The following CPNE2 variants were observed in gnomAD, a reference collection of about 807,000 sequenced individuals.
The protein encoded by CPNE2 is copine-2.
CPNE2 carries 42 observed loss-of-function variants against 69.7 expected under a neutral mutation model. That is an observed-to-expected ratio of 0.60 (90% confidence interval 0.47 to 0.78). CPNE2 has a LOEUF of 0.78. Among genes scored for constraint, CPNE2 ranks in the 30% least tolerant of loss-of-function variants. The pLI, the probability that CPNE2 is intolerant of heterozygous loss-of-function variation, is 0.00. For synonymous variants in CPNE2, 294 were observed against 289.8 expected, an observed-to-expected ratio of 1.01 and a Z score of -0.15; for missense variants, 587 against 732.0, an observed-to-expected ratio of 0.80 and a Z score of 2.29.
At chr16:57,137,410 C>T (rs1346390980) in intron 14 of CPNE2, 128 bp downstream of exon 14, 15 of 1,245,982 alleles carry the variant, frequency 1.2e-5, no homozygotes, top group Non-Finnish European at 1.6e-5. Context: ...TTTACCTTCA[C>T]GTATTGTAAA....
Position 57,119,584 on chromosome 16 carries a change from T to A in CPNE2, c.615T>A (p.Pro205=), listed in dbSNP as rs369694975. 11 of 1,612,880 alleles carry A rather than the reference T, an allele frequency of 6.8e-6. No homozygotes were observed. Among genetic ancestry groups the A allele is most frequent in the Non-Finnish European group, 9.3e-6 (11 of 1,179,552 alleles). ...AGGTGATCAAGTACACACTGGACCC[T>A]GTGTGGAAGCCATTCACAGTGCCCT... ...RTEVIKYTLD[P]VWKPFTVPLV... is the part of the protein sequence containing the mutation. Residue 205 remains proline, a synonymous_variant, in exon 7 of 16, where the codon CCT becomes CCA. Transcript: ENST00000290776.
chr16:57,105,210 A>T (rs1204771909), intron 1 of CPNE2, among the ~76,000 whole-genome samples: 1 of 152,190 alleles, frequency 6.6e-6, no homozygotes, highest in Non-Finnish European at 1.5e-5. Context: ...GAGAGGACGG[A>T]TGCTGAATGC....
At chr16:57,127,746 T>C in intron 11 of CPNE2, 103 bp from the exon 12 acceptor site, 1 of 1,160,156 alleles carries the variant, frequency 8.6e-7, no homozygotes, top group Non-Finnish European at 1.3e-6. Flanking sequence ...TCCTCCTTTC[T>C]GTCCTTGGAA....
intron 8 of CPNE2, 45 bp downstream of exon 8, chr16:57,121,236 T>C (rs2069759828): frequency 1.3e-6 from 2 of 1,557,682 alleles, no homozygotes; most frequent in African/African-American, 1.4e-5. Flanking sequence ...TCAGCAGGGC[T>C]GGGGGAAGGG....
At chr16:57,116,936 C>T (rs2069723393) in intron 4 of CPNE2, among the ~76,000 whole-genome samples, 1 of 152,194 alleles carries the variant, frequency 6.6e-6, no homozygotes, top group Non-Finnish European at 1.5e-5. Context: ...CCTCAGCAGT[C>T]TCGAAGTCGC....
At chr16:57,106,698 G>T (rs2069650841) in intron 1 of CPNE2, among the ~76,000 whole-genome samples, 1 of 145,784 alleles carries the variant, frequency 6.9e-6, no homozygotes. Flanking sequence ...AGTGAGGAGG[G>T]GGTAGGTGAG....
intron 1 of CPNE2, among the ~76,000 whole-genome samples, chr16:57,109,673 A>G (rs1320689476): frequency 2.0e-5 from 3 of 152,142 alleles, no homozygotes; most frequent in African/African-American, 7.2e-5. Context: ...GTAAACTGTC[A>G]TGGCCCTGGT....
rs1284523963 is a variant in CPNE2, at chr16:57,117,767, C to T, written c.507+200C>T. Among the ~76,000 whole-genome samples, 6 of 152,136 alleles carry T rather than the reference C, an allele frequency of 3.9e-5. No homozygotes were observed. The East Asian group carries it at 1.2e-3, about 29-fold the overall frequency. On this transcript the variant is annotated intron_variant, in intron 5 of 15. Transcript: ENST00000290776. ...GAGTGTTCCATCCCTTAGGGGTATT[C>T]AAAACACACCTGGAAACCTGCTCAT...
At chr16:57,128,042 T>C in intron 12 of CPNE2, 139 bp downstream of exon 12, 1 of 824,150 alleles carries the variant, frequency 1.2e-6, no homozygotes. Flanking sequence ...GCCACGCTCA[T>C]TTCTCAAGCC....
intron 14 of CPNE2, among the ~76,000 whole-genome samples, chr16:57,138,198 C>A (rs2069896890): frequency 6.6e-6 from 1 of 152,170 alleles, no homozygotes; most frequent in Non-Finnish European, 1.5e-5. Flanking sequence ...GAGACCTCGG[C>A]CAGCCCCCAC....
chr16:57,123,109 C>G (rs1251034261), intron 9 of CPNE2, among the ~76,000 whole-genome samples: 7 of 152,242 alleles, frequency 4.6e-5, no homozygotes, highest in Admixed American at 2.6e-4. Flanking sequence ...AAGTACCTAA[C>G]AGTGACAAAT....
chr16:57,125,734 T>C (rs1013402629), intron 10 of CPNE2, 126 bp from the exon 11 acceptor site: 3 of 1,173,462 alleles, frequency 2.6e-6, no homozygotes, highest in African/African-American at 3.0e-5. Flanking sequence ...CAGACCATCT[T>C]ATTGTGGGGA....
chr16:57,146,387 G>A lies in CPNE2; in HGVS notation c.1539+66G>A. ...CCCAGCCACCATAGCTCATAATCAA[G>A]CTTGAGAGTCTTGGGGTTGTCTGGC... On this transcript the variant is annotated intron_variant, in intron 15 of 15. Transcript: ENST00000290776. This position sits in a 1 kb window ranked among gnomAD's most constrained non-coding sequence, Gnocchi z 4.4. 1.5e-6 allele frequency: 2 copies of A among 1,356,440 alleles called. No homozygotes were observed. Among genetic ancestry groups the A allele is most frequent in the African/African-American group, 1.4e-5 (1 of 69,468 alleles). 84.0% of individuals were successfully genotyped at this position (1,356,440 alleles called of 1,614,324 possible).
intron 12 of CPNE2, among the ~76,000 whole-genome samples, chr16:57,133,556 A>G (rs1474082500): frequency 6.6e-6 from 1 of 152,180 alleles, no homozygotes; most frequent in African/African-American, 2.4e-5. Context: ...AGAGCCTCCC[A>G]GTACCCCCAT....
chr16:57,137,315 G>A (rs1264927229), intron 14 of CPNE2, 33 bp downstream of exon 14: 1 of 1,612,880 alleles, frequency 6.2e-7, no homozygotes, highest in East Asian at 2.2e-5. Context: ...GTCATGCCAG[G>A]AAACACGCAC....
At chr16:57,098,030 C>T (rs1459658128) in intron 1 of CPNE2, among the ~76,000 whole-genome samples, 1 of 151,882 alleles carries the variant, frequency 6.6e-6, no homozygotes, top group Non-Finnish European at 1.5e-5. Flanking sequence ...CTAGGTCAGC[C>T]CCTATAAGTG....
At chr16:57,120,788 A>G (rs2069756003) in intron 7 of CPNE2, among the ~76,000 whole-genome samples, 1 of 152,198 alleles carries the variant, frequency 6.6e-6, no homozygotes, top group African/African-American at 2.4e-5. Flanking sequence ...GCCCCAGGCC[A>G]TAAGCTGGGT....
chr16:57,115,456 C>T lies in CPNE2; in HGVS notation c.361-20C>T, dbSNP rs922729478. 1 of 1,598,136 alleles carries T rather than the reference C, an allele frequency of 6.3e-7. No homozygotes were observed. Among genetic ancestry groups the T allele is most frequent in the Non-Finnish European group, 8.5e-7 (1 of 1,169,982 alleles). ...TTCCCCCGCTTCCTCACTGAGCGCC[C>T]TTTCTCCTCTCTCCCCTAGATCGTC... On this transcript the variant is annotated intron_variant, in intron 3 of 15. Coordinates refer to ENST00000290776, the MANE Select transcript of CPNE2 (RefSeq NM_152727.6).
intron 1 of CPNE2, chr16:57,110,473 C>A (rs1372637022): frequency 9.6e-6 from 2 of 207,930 alleles, no homozygotes; most frequent in African/African-American, 4.6e-5. Context: ...CACTTGACCT[C>A]CCCAAGTGCT....
Sources: gnomAD v4.1 joint callset for allele counts (sites outside exome capture counted in the v4.1 genomes callset) on GRCh38, gnomAD v4.1.1 for gene constraint, Gnocchi (gnomAD v3.1) non-coding constraint, MANE v1.5 for transcripts, NCBI Gene and HGNC (gene_info 2026-07-23, HGNC 2026-07-21) for gene names.